The following MAPK10 variants were observed in gnomAD, a reference collection of about 807,000 sequenced individuals.
MAPK10 encodes mitogen-activated protein kinase 10.
MAPK10 carries 25 observed loss-of-function variants against 59.3 expected under a neutral mutation model. That is an observed-to-expected ratio of 0.42 (90% CI 0.31 to 0.59). MAPK10 has a LOEUF of 0.59. Among genes scored for constraint, MAPK10 ranks in the 20% least tolerant of loss-of-function variants. The pLI is 0.15. For missense variants in MAPK10, 351 were observed against 568.9 expected (o/e 0.62, Z 3.90); for synonymous variants, 190 against 200.5 (o/e 0.95, Z 0.44).
At position 86,430,004 on chromosome 4, in the gene MAPK10, T is replaced by C. The variant is rs140345311; in HGVS notation, c.-122+23026A>G. Among the ~76,000 whole-genome samples, 5 of 152,284 alleles carry C rather than the reference T, an allele frequency of 3.3e-5. No individual in the cohort carries two copies. In the East Asian group the frequency reaches 9.6e-4, roughly 29 times the overall value. ...CTCAGACCATTGAAGTTATTTTTGG[T>C]TGGGAGAGTATCGATAAGAAATGGC... On this transcript the variant is annotated intron_variant, in intron 1 of 13. Transcript: ENST00000361569.
chr4:86,200,537 T>C (rs942894008), intron 2 of MAPK10, among the ~76,000 whole-genome samples: 1 of 152,008 alleles, frequency 6.6e-6, no homozygotes, highest in Admixed American at 6.6e-5. Context: ...CATAGCTTGT[T>C]AATTGATTCT....
chr4:86,315,502 T>G (rs1291108672), intron 2 of MAPK10, among the ~76,000 whole-genome samples: 1 of 152,030 alleles, frequency 6.6e-6, no homozygotes, highest in African/African-American at 2.4e-5. Context: ...TCAAAATATC[T>G]CATGTATCCC....
chr4:86,476,556 G>A lies in MAPK10; in HGVS notation c.-263+117354C>T, dbSNP rs369675128. On this transcript the variant is annotated intron_variant, in intron 1 of 4. Coordinates refer to the MAPK10 transcript ENST00000502302. ...GCTTTAAAGCCCTAGACCCTGAAAG[G>A]TCAGAAGGCCGTCTTATTCTCAATA... is the stretch of plus-strand genomic sequence containing the variant. Among the ~76,000 whole-genome samples the A allele has an allele frequency of 2.6e-3, 399 of 152,206 alleles. 3 individuals carry two copies. Among genetic ancestry groups the A allele is most frequent in the African/African-American group, 9.0e-3 (372 of 41,516 alleles).
rs1242423973 is a variant in MAPK10 at position 86,252,185 on chromosome 4, C to T, written c.-6-57778G>A. 1.6e-4 allele frequency among the ~76,000 whole-genome samples: 20 copies of T among 125,776 alleles called. 4 individuals carry two copies. In the South Asian group the frequency reaches 4.2e-3, roughly 26 times the overall value. 82.5% of individuals were successfully genotyped at this position (125,776 alleles called of 152,430 possible). A position where few individuals can be genotyped will look rare whatever the true frequency, so the allele number is the denominator to read the frequency against. On this transcript the variant is annotated intron_variant, in intron 2 of 13. Transcript: ENST00000641462. ...GAAGTTCTTTAGTTTAATTAGATCC[C>T]ATTTGTCAATTTTGGCTTTGGTTGC...
In MAPK10 at chr4:86,017,516, G is replaced by A; in HGVS notation, c.1253-146C>T. ...AAGCCTTTATAGAGCAGCTGACATA[G>A]GGGAGCATATCAAATGGTGACAATC... On this transcript the variant is annotated intron_variant, in intron 13 of 13. Transcript: ENST00000641462. The surrounding 1 kb of genome is among the most constrained non-coding windows in gnomAD (Gnocchi z 4.4). The A allele has an allele frequency of 1.3e-6, 1 of 762,512 alleles. No individual in the cohort carries two copies. The highest frequency in any genetic ancestry group is 2.5e-4 in the Middle Eastern group (1 of 3,964). 47.2% of individuals were successfully genotyped at this position (762,512 alleles called of 1,614,324 possible). A position where few individuals can be genotyped will look rare whatever the true frequency, so the allele number is the denominator to read the frequency against.
intron 2 of MAPK10, among the ~76,000 whole-genome samples, chr4:86,290,966 A>G (rs1194017798): frequency 6.6e-6 from 1 of 152,198 alleles, no homozygotes; most frequent in Admixed American, 6.5e-5. Flanking sequence ...ATGCAAGAAT[A>G]TATAAGGCAG....
chr4:86,302,586 C>T (rs575114580), intron 2 of MAPK10, among the ~76,000 whole-genome samples: 1 of 152,242 alleles, frequency 6.6e-6, no homozygotes, highest in African/African-American at 2.4e-5. Flanking sequence ...AATTTTACTG[C>T]TGATTTTTAA....
chr4:86,183,698 C>A, intron 3 of MAPK10, among the ~76,000 whole-genome samples: 1 of 152,120 alleles, frequency 6.6e-6, no homozygotes, highest in Non-Finnish European at 1.5e-5. Flanking sequence ...AGTTCTAGAT[C>A]CCTGAGGAAT....
At chr4:86,539,178 C>G (rs1473163889) in intron 1 of MAPK10, among the ~76,000 whole-genome samples, 1 of 152,040 alleles carries the variant, frequency 6.6e-6, no homozygotes, top group Non-Finnish European at 1.5e-5. Flanking sequence ...ATCTGTCATT[C>G]AGATTTGTCT....
intron 2 of MAPK10, among the ~76,000 whole-genome samples, chr4:86,304,998 T>A (rs2095541072): frequency 6.6e-6 from 1 of 152,166 alleles, no homozygotes. Context: ...GCAAATGAAA[T>A]AATGTGTCAT....
At chr4:86,098,825 C>A in intron 8 of MAPK10, 1 of 431,054 alleles carries the variant, frequency 2.3e-6, no homozygotes, top group Non-Finnish European at 4.2e-6. Flanking sequence ...TTTGTGGGTG[C>A]CTTACATTGC....
chr4:86,523,131 C>A (rs566581967), intron 1 of MAPK10, among the ~76,000 whole-genome samples: 5 of 152,022 alleles, frequency 3.3e-5, no homozygotes, highest in African/African-American at 1.2e-4. Flanking sequence ...TTATTAATAC[C>A]TTTATTATTA....
intron 1 of MAPK10, among the ~76,000 whole-genome samples, chr4:86,480,792 C>A (rs971444903): frequency 1.3e-5 from 2 of 152,050 alleles, no homozygotes; most frequent in Non-Finnish European, 2.9e-5. Context: ...AAAAGCATAA[C>A]AAATTTATTT....
chr4:86,581,180 C>G (rs1024588029), intron 1 of MAPK10, among the ~76,000 whole-genome samples: 1 of 151,846 alleles, frequency 6.6e-6, no homozygotes, highest in African/African-American at 2.4e-5. Flanking sequence ...TAGAATTGTA[C>G]TAGCAGACAA....
chr4:86,040,614 G>C (rs1392356429), intron 11 of MAPK10, among the ~76,000 whole-genome samples: 6 of 152,122 alleles, frequency 3.9e-5, no homozygotes, highest in African/African-American at 1.4e-4. Flanking sequence ...TATTCACGTA[G>C]AGGAAAGTTA....
rs1459761972 is a variant in MAPK10, at chr4:86,323,033, GGTGTGGT to G, written c.-7+31490_-7+31496del. On this transcript the variant is annotated intron_variant, in intron 2 of 13. Coordinates refer to ENST00000641462, the MANE Select transcript of MAPK10 (RefSeq NM_138982.4). Reference sequence around the variant, plus strand: ...CTATTAAAAATACAAAAATTAACTGGGTGTGGTGGCATGCGCCTATAGTCCCAGCTAC... The same window carrying G: ...CTATTAAAAATACAAAAATTAACTGGGGCATGCGCCTATAGTCCCAGCTAC... 1.1e-4 allele frequency among the ~76,000 whole-genome samples: 17 copies of G among 152,250 alleles called. No individual in the cohort carries two copies. The South Asian group carries it at 3.5e-3, about 32-fold the overall frequency.
chr4:86,203,327 G>A (rs2083068007), intron 2 of MAPK10, among the ~76,000 whole-genome samples: 1 of 151,900 alleles, frequency 6.6e-6, no homozygotes, highest in Non-Finnish European at 1.5e-5. Flanking sequence ...GTGCACAGCA[G>A]CTGCTGTAAG....
intron 13 of MAPK10, among the ~76,000 whole-genome samples, chr4:86,019,973 T>C (rs1420553384): frequency 6.6e-6 from 1 of 152,204 alleles, no homozygotes; most frequent in East Asian, 1.9e-4. Context: ...ATTAAGAAAT[T>C]TAATTTTCAT....
intron 2 of MAPK10, chr4:86,336,337 T>G (rs987456720): frequency 6.6e-6 from 1 of 152,210 alleles, no homozygotes; most frequent in Non-Finnish European, 1.5e-5. Context: ...GACCTGATCT[T>G]AAGCAGAATT....
Sources: gnomAD v4.1 joint callset for allele counts (sites outside exome capture counted in the v4.1 genomes callset) on GRCh38, gnomAD v4.1.1 for gene constraint, Gnocchi (gnomAD v3.1) non-coding constraint, MANE v1.5 for transcripts, NCBI Gene and HGNC (gene_info 2026-07-23, HGNC 2026-07-21) for gene names.